The following CNTN6 variants were observed in gnomAD, a reference collection of about 807,000 sequenced individuals.
CNTN6 encodes the protein contactin-6.
CNTN6 carries 137 observed loss-of-function variants against 122.8 expected under a neutral mutation model. The ratio of observed to expected loss-of-function variants is 1.12; its 90% CI spans 0.97 to 1.29. CNTN6 has a LOEUF of 1.29. Ranked by LOEUF, CNTN6 falls within the 50% of genes most tolerant of loss-of-function variation. The pLI is 0.00. For missense variants in CNTN6, 1,634 were observed against 1,223.4 expected (o/e 1.34, Z -5.01); for synonymous variants, 570 against 426.0 (o/e 1.34, Z -4.16).
intron 2 of CNTN6, among the ~76,000 whole-genome samples, chr3:1,172,799 G>C (rs1469070408): frequency 6.6e-6 from 1 of 152,166 alleles, no homozygotes; most frequent in African/African-American, 2.4e-5. Context: ...GCAAAGGCAA[G>C]GTTCTATCTA....
intron 11 of CNTN6, among the ~76,000 whole-genome samples, chr3:1,343,805 T>G (rs1379808976): frequency 6.6e-6 from 1 of 152,098 alleles, no homozygotes; most frequent in Non-Finnish European, 1.5e-5. Flanking sequence ...AAAGTTGGCA[T>G]AGAAATCAAG....
chr3:1,339,741 G>T (rs1703614359), intron 11 of CNTN6, among the ~76,000 whole-genome samples: 1 of 152,036 alleles, frequency 6.6e-6, no homozygotes, highest in Middle Eastern at 3.2e-3. Context: ...CTCAATACAA[G>T]ACACACTTCT....
In CNTN6 at chr3:1,373,919, T is replaced by A; in HGVS notation, c.1946-5T>A. On this transcript the variant is annotated splice_polypyrimidine_tract_variant and splice_region_variant and intron_variant, in intron 15 of 22. Transcript: ENST00000446702. ...CTAGGTGCCTTAGTGTCTCATTCTT[T>A]TTAGTTCCAGAAATTCTCAATGGTA... The A allele has an allele frequency of 6.2e-7, 1 of 1,607,564 alleles. No homozygotes were observed. Among genetic ancestry groups the A allele is most frequent in the African/African-American group, 1.3e-5 (1 of 74,878 alleles).
chr3:1,344,497 G>T (rs1704368871), intron 11 of CNTN6, among the ~76,000 whole-genome samples: 1 of 152,148 alleles, frequency 6.6e-6, no homozygotes, highest in African/African-American at 2.4e-5. Flanking sequence ...GATTTCATAA[G>T]GTGTGTCTGA....
chr3:1,254,448 G>A (rs1014418821), intron 4 of CNTN6, among the ~76,000 whole-genome samples: 1 of 152,152 alleles, frequency 6.6e-6, no homozygotes, highest in Non-Finnish European at 1.5e-5. Context: ...GAAGGAATGA[G>A]AATAAAATTT....
At chr3:1,168,245 C>A (rs753147115) in intron 2 of CNTN6, among the ~76,000 whole-genome samples, 5 of 151,464 alleles carry the variant, frequency 3.3e-5, no homozygotes, top group African/African-American at 4.9e-5. Flanking sequence ...GGTTGGGCTC[C>A]TCCAGAAGCC....
chr3:1,122,407 C>T (rs1341900038), intron 1 of CNTN6, among the ~76,000 whole-genome samples: 42 of 128,750 alleles, frequency 3.3e-4, no homozygotes, highest in Admixed American at 2.9e-3. Context: ...AGAAGGGGTT[C>T]TCAACCAGCG....
At chr3:1,321,426 C>T (rs1313261899) in intron 7 of CNTN6, among the ~76,000 whole-genome samples, 1 of 151,614 alleles carries the variant, frequency 6.6e-6, no homozygotes, top group East Asian at 1.9e-4. Flanking sequence ...CACTATTTTC[C>T]CTGAACATAG....
At chr3:1,336,095 G>T (rs1703019580) in intron 11 of CNTN6, among the ~76,000 whole-genome samples, 1 of 149,314 alleles carries the variant, frequency 6.7e-6, no homozygotes, top group Non-Finnish European at 1.5e-5. Context: ...CTGAATCTTT[G>T]GTAATTGACA....
intron 7 of CNTN6, among the ~76,000 whole-genome samples, chr3:1,298,928 G>C (rs557815382): frequency 6.6e-6 from 1 of 152,110 alleles, no homozygotes; most frequent in Non-Finnish European, 1.5e-5. Flanking sequence ...CTCACATTTA[G>C]AAATAGTGAC....
chr3:1,382,996 C>T lies in CNTN6; in HGVS notation c.2221C>T (p.Arg741Trp), dbSNP rs778853255. ...GGGATTTGGATATATCATCATGTTC[C>T]GGCCAGTGGGCTCGACAACCTGGTC... The part of the protein sequence containing the change: ...GEGFGYIIMF[R>W]PVGSTTWSKE... The change falls in exon 18 of 23, where the codon CGG (arginine) becomes TGG (tryptophan). Residue 741 changes from arginine to tryptophan, a missense_variant. Physicochemically the swap from Arg to Trp is moderately radical, Grantham distance 101. Transcript: ENST00000446702. 5.9e-5 allele frequency: 96 copies of T among 1,614,048 alleles called. No homozygotes were observed. Among genetic ancestry groups the T allele is most frequent in the East Asian group, 4.5e-4 (20 of 44,884 alleles).
chr3:1,291,321 C>T (rs1052576522), intron 5 of CNTN6, among the ~76,000 whole-genome samples: 1 of 152,130 alleles, frequency 6.6e-6, no homozygotes, highest in African/African-American at 2.4e-5. Flanking sequence ...GAAGGACACA[C>T]CACATGTAGG....
Position 1,283,314 on chromosome 3 carries a change from T to C in CNTN6, c.454+4806T>C, listed in dbSNP as rs116514821. Among the ~76,000 whole-genome samples, 806 of 152,258 alleles carry C rather than the reference T, an allele frequency of 5.3e-3. 5 individuals are homozygous for C. The highest frequency in any genetic ancestry group is 0.018 in the African/African-American group (763 of 41,560). ...TTGGGGAGCAGGATGTTACCGTGCC[T>C]TTGGCTGAACTTTGAGCTGTATGCA... On this transcript the variant is annotated intron_variant, in intron 5 of 22. Transcript: ENST00000446702.
At chr3:1,202,412 C>T (rs1320902703) in intron 2 of CNTN6, among the ~76,000 whole-genome samples, 6 of 151,754 alleles carry the variant, frequency 4.0e-5, no homozygotes, top group South Asian at 2.1e-4. Context: ...TGGTGGCGGG[C>T]GCCTGTAGTC....
intron 4 of CNTN6, among the ~76,000 whole-genome samples, chr3:1,258,992 C>T (rs2094803247): frequency 6.6e-6 from 1 of 152,088 alleles, no homozygotes; most frequent in African/African-American, 2.4e-5. Context: ...AGCAGCCACC[C>T]ATAAACCCAT....
At chr3:1,392,852 A>G (rs2126230496) in intron 20 of CNTN6, among the ~76,000 whole-genome samples, 1 of 133,832 alleles carries the variant, frequency 7.5e-6, no homozygotes, top group East Asian at 2.2e-4. Context: ...CAAAACCACA[A>G]TGAGATACCA....
intron 20 of CNTN6, among the ~76,000 whole-genome samples, chr3:1,389,099 G>C (rs930969481): frequency 6.9e-6 from 1 of 145,148 alleles, no homozygotes; most frequent in Non-Finnish European, 1.5e-5. Flanking sequence ...GCAACTCCAA[G>C]ACACATAATT....
intron 7 of CNTN6, among the ~76,000 whole-genome samples, chr3:1,302,847 ATTTG>A (rs903671486): frequency 5.3e-5 from 8 of 151,792 alleles, no homozygotes; most frequent in East Asian, 1.9e-4. Flanking sequence ...TCAAACATTT[ATTTG>A]TTTGTTTTTT....
intron 2 of CNTN6, among the ~76,000 whole-genome samples, chr3:1,184,765 A>C (rs2093605898): frequency 6.6e-6 from 1 of 152,140 alleles, no homozygotes; most frequent in South Asian, 2.1e-4. Flanking sequence ...ATATAGTCTG[A>C]CTGAAACTTA....
Sources: gnomAD v4.1 joint callset for allele counts (sites outside exome capture counted in the v4.1 genomes callset) on GRCh38, gnomAD v4.1.1 for gene constraint, MANE v1.5 for transcripts, NCBI Gene and HGNC (gene_info 2026-07-23, HGNC 2026-07-21) for gene names.